ATP11A: variants seen among roughly 807,000 people sequenced by gnomAD.
ATP11A encodes phospholipid-transporting ATPase IH.
In ATP11A, 81 loss-of-function variants were observed where a neutral mutation model predicts 154.4. That is an observed-to-expected ratio of 0.52 (90% CI 0.44 to 0.63). ATP11A has a LOEUF of 0.63. Ranked by LOEUF, ATP11A falls within the 30% of genes least tolerant of loss-of-function variation. The pLI is 0.00. For synonymous variants in ATP11A, 623 were observed against 585.9 expected (o/e 1.06, Z -0.91); for missense variants, 1,316 against 1,474.3 (o/e 0.89, Z 1.76).
chr13:112,818,293 C>T (rs1037202401), intron 6 of ATP11A, among the ~76,000 whole-genome samples: 12 of 147,564 alleles, frequency 8.1e-5, no homozygotes, highest in Admixed American at 2.7e-4. Context: ...TGGTGACAGG[C>T]GATGACCGTT....
At chr13:112,826,931 T>C (rs1325177267) in intron 12 of ATP11A, 40 bp downstream of exon 12, 4 of 1,602,410 alleles carry the variant, frequency 2.5e-6, no homozygotes, top group South Asian at 1.1e-5. Flanking sequence ...TTTATTAACA[T>C]CTGGGTGAGT....
At chr13:112,718,026 A>T (rs998319449) in intron 1 of ATP11A, among the ~76,000 whole-genome samples, 1 of 152,246 alleles carries the variant, frequency 6.6e-6, no homozygotes, top group African/African-American at 2.4e-5. Context: ...CAGTGAGCCA[A>T]GATTGCACCA....
intron 1 of ATP11A, among the ~76,000 whole-genome samples, chr13:112,744,347 C>G (rs1384371458): frequency 2.0e-5 from 3 of 151,198 alleles, no homozygotes; most frequent in African/African-American, 4.9e-5. Context: ...ATTTTTCTTT[C>G]CTCCCGGCAC....
At chr13:112,844,667 G>T (rs12877721) in intron 17 of ATP11A, among the ~76,000 whole-genome samples, 54,504 of 152,012 alleles carry the variant, frequency 0.36, 10,995 homozygotes, top group African/African-American at 0.55. Context: ...TCTGTCGTGA[G>T]GAACAGCAGC....
intron 1 of ATP11A, among the ~76,000 whole-genome samples, chr13:112,773,240 C>A (rs1050660337): frequency 6.6e-6 from 1 of 152,094 alleles, no homozygotes; most frequent in African/African-American, 2.4e-5. Flanking sequence ...ACCATCGCCA[C>A]CCTCAGAACA....
chr13:112,726,253 G>A lies in ATP11A; in HGVS notation c.39+35798G>A, dbSNP rs559402975. Among the ~76,000 whole-genome samples the A allele has an allele frequency of 6.6e-5, 10 of 152,068 alleles. No individual in the cohort carries two copies. In the South Asian group the frequency reaches 8.3e-4, roughly 13 times the overall value. The stretch of plus-strand genomic sequence containing the variant: ...GAGGAGCCAGGGAGGAAGCACGTGC[G>A]TGCAGGGAGAGGGGCCAGAGGGCAC... On this transcript the variant is annotated intron_variant, in intron 1 of 29. Coordinates refer to ENST00000375645, the MANE Select transcript of ATP11A (RefSeq NM_015205.3).
intron 1 of ATP11A, among the ~76,000 whole-genome samples, chr13:112,715,166 T>A (rs953119553): frequency 3.3e-5 from 5 of 151,764 alleles, no homozygotes; most frequent in Non-Finnish European, 4.4e-5. Flanking sequence ...GACACTTGGG[T>A]TGTTTCCTGC....
intron 17 of ATP11A, among the ~76,000 whole-genome samples, chr13:112,848,783 G>A (rs947060240): frequency 1.1e-4 from 17 of 152,230 alleles, no homozygotes; most frequent in African/African-American, 3.9e-4. Flanking sequence ...TGCCTCCTGG[G>A]TTCAAGCCAT....
intron 1 of ATP11A, among the ~76,000 whole-genome samples, chr13:112,774,736 A>G (rs913337056): frequency 3.3e-5 from 5 of 152,242 alleles, no homozygotes; most frequent in African/African-American, 1.2e-4. Flanking sequence ...TTCTCATCCC[A>G]GGTCACAGTC....
Position 112,826,831 on chromosome 13 carries a change from CGAG to C in ATP11A, c.1165_1167del (p.Glu389del), listed in dbSNP as rs771455808. The stretch of plus-strand genomic sequence containing the variant: ...TCACCTGGGACGAAGACATGTTTGA[CGAG>C]GAGACTGGCGAGGGGCCTCTGGTGA... On this transcript the variant is annotated inframe_deletion, in exon 12 of 30. Coordinates refer to ENST00000375645, the MANE Select transcript of ATP11A (RefSeq NM_015205.3). 16 of 1,614,132 alleles carry C rather than the reference CGAG, an allele frequency of 9.9e-6. No homozygotes were observed. In the Admixed American group the frequency reaches 2.2e-4, roughly 22 times the overall value.
chr13:112,710,417 C>T lies in ATP11A; in HGVS notation c.39+19962C>T, dbSNP rs754263. Among the ~76,000 whole-genome samples the T allele has an allele frequency of 5.1e-3, 773 of 152,286 alleles. 6 individuals carry two copies. Among genetic ancestry groups the T allele is most frequent in the African/African-American group, 0.018 (732 of 41,568 alleles). ...AAATGGGGCTGTAGCAGGGCAGGGC[C>T]GCTCCCCAGAAAACAAGCGCCCCAG... On this transcript the variant is annotated intron_variant, in intron 1 of 29. Coordinates refer to ENST00000375645, the MANE Select transcript of ATP11A (RefSeq NM_015205.3).
At position 112,756,350 on chromosome 13, in the gene ATP11A, T is replaced by TTCTTTCTCTCTAGACCCTGCAGGCCA. The variant is rs2076833053; in HGVS notation, c.40-28784_40-28759dup. ...AAGGGGAAAGTGTTTTTCCTGGCAG[T>TTCTTTCTCTCTAGACCCTGCAGGCCA]TCTTTCTCTCTAGACCCTGCAGGCC... On this transcript the variant is annotated intron_variant, in intron 1 of 29. Transcript: ENST00000375645. 1.2e-4 allele frequency among the ~76,000 whole-genome samples: 18 copies of TTCTTTCTCTCTAGACCCTGCAGGCCA among 152,264 alleles called. No individual in the cohort carries two copies. The South Asian group carries it at 3.7e-3, about 32-fold the overall frequency.
At chr13:112,694,448 G>A (rs1003006558) in intron 1 of ATP11A, among the ~76,000 whole-genome samples, 2 of 152,192 alleles carry the variant, frequency 1.3e-5, no homozygotes, top group South Asian at 4.1e-4. Context: ...GGTAAACCGG[G>A]CACCCTGACA....
At chr13:112,703,819 A>G (rs1482842714) in intron 1 of ATP11A, among the ~76,000 whole-genome samples, 1 of 152,040 alleles carries the variant, frequency 6.6e-6, no homozygotes, top group Non-Finnish European at 1.5e-5. Flanking sequence ...TGGTGTTTGC[A>G]TTACAATCCA....
intron 2 of ATP11A, 66 bp from the exon 3 acceptor site, chr13:112,804,891 C>T: frequency 1.0e-6 from 1 of 959,262 alleles, no homozygotes; most frequent in Non-Finnish European, 1.6e-6. Context: ...CTTACTATGC[C>T]CTAGAGTAAC....
rs1594682235 is a variant in ATP11A at position 112,785,419 on chromosome 13, G to A, written c.162+162G>A. The stretch of plus-strand genomic sequence containing the variant: ...TTCGGATCAGGACCTCACCGAGGGC[G>A]CTACTCTCTCCCTCTCGGTGACTGC... On this transcript the variant is annotated intron_variant, in intron 2 of 29. Transcript: ENST00000375645. This position sits in a 1 kb window ranked among gnomAD's most constrained non-coding sequence, Gnocchi z 4.8. 5.3e-5 allele frequency among the ~76,000 whole-genome samples: 8 copies of A among 151,986 alleles called. 2 individuals carry two copies. Among genetic ancestry groups the A allele is most frequent in the Admixed American group, 5.2e-4 (8 of 15,282 alleles).
chr13:112,739,973 G>A (rs1198579947), intron 1 of ATP11A, among the ~76,000 whole-genome samples: 1 of 152,114 alleles, frequency 6.6e-6, no homozygotes, highest in Non-Finnish European at 1.5e-5. Context: ...GGGGCTGGGG[G>A]AGGGGGCGTG....
At chr13:112,832,590 G>T (rs1383388629) in intron 13 of ATP11A, among the ~76,000 whole-genome samples, 3 of 151,520 alleles carry the variant, frequency 2.0e-5, no homozygotes, top group Non-Finnish European at 4.4e-5. Flanking sequence ...GAGCGCACGT[G>T]AAGCCTCTGT....
At chr13:112,867,746 G>C (rs549678715) in intron 25 of ATP11A, among the ~76,000 whole-genome samples, 16 of 152,198 alleles carry the variant, frequency 1.1e-4, no homozygotes, top group African/African-American at 3.9e-4. Flanking sequence ...CGGAACCCGC[G>C]TGCAGCCCCG....
Sources: gnomAD v4.1 joint callset for allele counts (sites outside exome capture counted in the v4.1 genomes callset) on GRCh38, gnomAD v4.1.1 for gene constraint, Gnocchi (gnomAD v3.1) non-coding constraint, MANE v1.5 for transcripts, NCBI Gene and HGNC (gene_info 2026-07-23, HGNC 2026-07-21) for gene names.